THSD7B: variants seen among roughly 807,000 people sequenced by gnomAD.
The protein encoded by THSD7B is thrombospondin type-1 domain-containing protein 7B.
THSD7B carries 138 observed loss-of-function variants against 213.6 expected under a neutral mutation model. The ratio of observed to expected loss-of-function variants is 0.65; its 90% CI spans 0.56 to 0.74. The LOEUF (loss-of-function observed/expected upper bound fraction) is 0.74. Ranked by LOEUF, THSD7B falls within the 30% of genes least tolerant of loss-of-function variation. The pLI is 0.00. For synonymous variants in THSD7B, 742 were observed against 687.0 expected (o/e 1.08, Z -1.25); for missense variants, 1,931 against 1,991.5 (o/e 0.97, Z 0.58).
At chr2:137,531,385 G>C (rs1050844505) in intron 15 of THSD7B, among the ~76,000 whole-genome samples, 1 of 151,888 alleles carries the variant, frequency 6.6e-6, no homozygotes, top group African/African-American at 2.4e-5. Context: ...GATATGATTC[G>C]AGTCCACAAT....
chr2:137,416,048 T>G (rs1456969121), intron 14 of THSD7B, among the ~76,000 whole-genome samples: 1 of 152,192 alleles, frequency 6.6e-6, no homozygotes, highest in Non-Finnish European at 1.5e-5. Context: ...TGTCAGAAAT[T>G]TCATAGACAT....
intron 7 of THSD7B, among the ~76,000 whole-genome samples, chr2:137,186,326 A>G (rs1485740456): frequency 6.6e-6 from 1 of 152,042 alleles, no homozygotes; most frequent in African/African-American, 2.4e-5. Context: ...TGTGAAGGGT[A>G]TTTCCTAGGT....
In THSD7B at chr2:136,965,426, C is replaced by A. The variant is rs74925278; in HGVS notation, c.139+83109C>A. 1.9e-3 allele frequency among the ~76,000 whole-genome samples: 290 copies of A among 152,286 alleles called. 2 individuals are homozygous for A. The highest frequency in any genetic ancestry group is 6.7e-3 in the African/African-American group (280 of 41,548). Reference sequence around the variant, plus strand: ...CTAAATAGAGGATCAGAGAAGTCCTCACGAAGAAAATGGCATTTGAGCCAA... The same window carrying A: ...CTAAATAGAGGATCAGAGAAGTCCTAACGAAGAAAATGGCATTTGAGCCAA... On this transcript the variant is annotated intron_variant, in intron 2 of 27. Coordinates refer to ENST00000409968, the MANE Select transcript of THSD7B (RefSeq NM_001316349.2).
chr2:136,845,988 G>A (rs1683003355), intron 1 of THSD7B, among the ~76,000 whole-genome samples: 1 of 152,150 alleles, frequency 6.6e-6, no homozygotes, highest in Non-Finnish European at 1.5e-5. Flanking sequence ...GGGCTCTGGT[G>A]AGCACAGGGG....
chr2:137,109,861 AG>A (rs1437417973), intron 4 of THSD7B, among the ~76,000 whole-genome samples: 7 of 152,052 alleles, frequency 4.6e-5, no homozygotes, highest in African/African-American at 1.7e-4. Context: ...CTGGCCTATG[AG>A]GTTCCACATA....
intron 3 of THSD7B, among the ~76,000 whole-genome samples, chr2:137,075,679 CA>C (rs1687606165): frequency 2.0e-5 from 3 of 152,132 alleles, no homozygotes; most frequent in African/African-American, 4.8e-5. Context: ...TTAGAGTTTC[CA>C]GTTTTTCTGC....
At chr2:137,322,373 C>T (rs1451528711) in intron 12 of THSD7B, among the ~76,000 whole-genome samples, 1 of 152,168 alleles carries the variant, frequency 6.6e-6, no homozygotes, top group East Asian at 1.9e-4. Context: ...GAGTAGGGCA[C>T]ATAGCATGGA....
At chr2:137,586,343 T>C (rs901445844) in intron 17 of THSD7B, among the ~76,000 whole-genome samples, 10 of 152,162 alleles carry the variant, frequency 6.6e-5, no homozygotes, top group African/African-American at 2.4e-4. Context: ...ACATTTAAGG[T>C]TAGTATTGTT....
chr2:137,350,724 G>A (rs933855308), intron 12 of THSD7B, among the ~76,000 whole-genome samples: 2 of 151,816 alleles, frequency 1.3e-5, no homozygotes, highest in Non-Finnish European at 2.9e-5. Flanking sequence ...TAAACCGGAG[G>A]AGACAGGATC....
At chr2:137,625,088 A>G (rs1478226976) in intron 20 of THSD7B, among the ~76,000 whole-genome samples, 3 of 152,074 alleles carry the variant, frequency 2.0e-5, no homozygotes, top group South Asian at 2.1e-4. Flanking sequence ...ATGTCCATCA[A>G]TGATAGACTG....
chr2:136,834,973 A>C (rs1330939892), intron 1 of THSD7B, among the ~76,000 whole-genome samples: 2 of 152,166 alleles, frequency 1.3e-5, no homozygotes, highest in Non-Finnish European at 2.9e-5. Flanking sequence ...CCAGTGAGAG[A>C]GGTCCTACTG....
At chr2:137,306,468 C>T (rs554971432) in intron 12 of THSD7B, among the ~76,000 whole-genome samples, 15 of 151,884 alleles carry the variant, frequency 9.9e-5, no homozygotes, top group Non-Finnish European at 2.2e-4. Flanking sequence ...TTCTTTTTAC[C>T]CTGAATTTAT....
In THSD7B at chr2:137,646,874, T is replaced by C. The variant is rs577028338; in HGVS notation, c.3945+4241T>C. Reference sequence around the variant, plus strand: ...TTAAAAGAGGGTGCAGTGTCCCTAATGTTTGTGACTGCTCAGATTCTTTAG... The same window carrying C: ...TTAAAAGAGGGTGCAGTGTCCCTAACGTTTGTGACTGCTCAGATTCTTTAG... On this transcript the variant is annotated intron_variant, in intron 21 of 27. Coordinates refer to ENST00000409968, the MANE Select transcript of THSD7B (RefSeq NM_001316349.2). Among the ~76,000 whole-genome samples the C allele has an allele frequency of 3.9e-5, 6 of 152,242 alleles. No individual in the cohort carries two copies. In the South Asian group the frequency reaches 1.2e-3, roughly 32 times the overall value.
intron 1 of THSD7B, among the ~76,000 whole-genome samples, chr2:136,799,407 C>G (rs1000271295): frequency 1.3e-5 from 2 of 151,950 alleles, no homozygotes; most frequent in East Asian, 3.9e-4. Context: ...GACAAAAATG[C>G]TTACATATTC....
chr2:136,897,124 T>A (rs1683973482), intron 2 of THSD7B, among the ~76,000 whole-genome samples: 1 of 151,236 alleles, frequency 6.6e-6, no homozygotes, highest in Admixed American at 6.6e-5. Flanking sequence ...TATTTTTAAT[T>A]AAAAAAAAAT....
chr2:137,644,246 A>G (rs997044956), intron 21 of THSD7B, among the ~76,000 whole-genome samples: 1 of 152,212 alleles, frequency 6.6e-6, no homozygotes, highest in Non-Finnish European at 1.5e-5. Context: ...TCTAGTTGGG[A>G]AGAAACTCTG....
intron 15 of THSD7B, among the ~76,000 whole-genome samples, chr2:137,482,618 A>C (rs781452824): frequency 6.6e-6 from 1 of 152,230 alleles, no homozygotes; most frequent in Non-Finnish European, 1.5e-5. Flanking sequence ...GCATTCTTAA[A>C]TATGACTGGC....
At chr2:136,838,042 G>GT (rs1216799619) in intron 1 of THSD7B, among the ~76,000 whole-genome samples, 1 of 152,156 alleles carries the variant, frequency 6.6e-6, no homozygotes, top group Non-Finnish European at 1.5e-5. Flanking sequence ...ACACCTGTAT[G>GT]TTTTTTATAA....
At position 137,643,987 on chromosome 2, in the gene THSD7B, A is replaced by G. The variant is rs189645711; in HGVS notation, c.3945+1354A>G. Among the ~76,000 whole-genome samples, 57 of 152,342 alleles carry G rather than the reference A, an allele frequency of 3.7e-4. 1 individual carries two copies. In the East Asian group the frequency reaches 8.5e-3, roughly 23 times the overall value. Reference sequence around the variant, plus strand: ...TAGGAATATTATAGGAAAATGCCAAATGCTATGTTTTGCTGTCAAATGTTG... The same window carrying G: ...TAGGAATATTATAGGAAAATGCCAAGTGCTATGTTTTGCTGTCAAATGTTG... On this transcript the variant is annotated intron_variant, in intron 21 of 27. Coordinates refer to ENST00000409968, the MANE Select transcript of THSD7B (RefSeq NM_001316349.2).
Sources: allele counts gnomAD v4.1 joint callset (sites outside exome capture counted in the v4.1 genomes callset), GRCh38; gene constraint gnomAD v4.1.1; transcripts MANE v1.5; gene names NCBI Gene and HGNC (gene_info 2026-07-23, HGNC 2026-07-21).